CAST: variants seen among roughly 807,000 people sequenced by gnomAD.
CAST encodes calpastatin, also known as MIR583 host.
A neutral mutation model predicts 119.6 loss-of-function variants in CAST; 76 were observed. The ratio of observed to expected loss-of-function variants is 0.64; its 90% CI spans 0.53 to 0.77. The LOEUF (loss-of-function observed/expected upper bound fraction) is 0.77, where lower values mean the gene tolerates loss of function less well. CAST is among the 30% of genes least tolerant of loss of function. The probability of loss-of-function intolerance (pLI) is 0.00; values close to 1 mark genes in which losing one functional copy is unlikely to be tolerated. For synonymous variants in CAST, 319 were observed against 331.6 expected (o/e 0.96, Z 0.41); for missense variants, 953 against 946.5 (o/e 1.01, Z -0.09).
rs1033936161 is a variant in CAST, at chr5:96,773,877, G to C, written c.*1261G>C. Reference sequence around the variant, plus strand: ...TCCTTAGCATCAGTTTGAAGCTTTTGTTATGACTTAGCTGACTTGTGGCAG... The same window carrying C: ...TCCTTAGCATCAGTTTGAAGCTTTTCTTATGACTTAGCTGACTTGTGGCAG... On this transcript the variant is annotated 3_prime_UTR_variant, in exon 32 of 32. Transcript: ENST00000675179. 1 of 152,232 alleles carries C rather than the reference G, an allele frequency of 6.6e-6. No individual in the cohort carries two copies. Among genetic ancestry groups the C allele is most frequent in the Admixed American group, 6.6e-5 (1 of 15,266 alleles). 9.4% of individuals were successfully genotyped at this position (152,232 alleles called of 1,614,324 possible). A position where few individuals can be genotyped will look rare whatever the true frequency, so the allele number is the denominator to read the frequency against.
At chr5:96,005,484 T>C in the CAST span, among the ~76,000 whole-genome samples, 1 of 152,172 alleles carries the variant, frequency 6.6e-6, no homozygotes, top group East Asian at 1.9e-4. Flanking sequence ...ATTCAGGATA[T>C]ATATACATTA....
the CAST span, among the ~76,000 whole-genome samples, chr5:96,361,169 A>C: frequency 6.6e-6 from 1 of 152,120 alleles, no homozygotes; most frequent in Non-Finnish European, 1.5e-5. Context: ...GTAATGGTGG[A>C]TGCCCCTCTT....
chr5:96,622,121 C>A (rs557737541), intron 1 of CAST, among the ~76,000 whole-genome samples: 3 of 151,788 alleles, frequency 2.0e-5, no homozygotes, highest in Non-Finnish European at 4.4e-5. Flanking sequence ...AGGCACCCAC[C>A]ACCACACCTG....
the CAST span, among the ~76,000 whole-genome samples, chr5:96,309,833 T>C: frequency 4.6e-5 from 7 of 152,244 alleles, no homozygotes. Flanking sequence ...CAGTTTGAAA[T>C]GCAGAAATCA....
intron 24 of CAST, among the ~76,000 whole-genome samples, chr5:96,758,087 C>T (rs900526227): frequency 1.3e-5 from 2 of 152,134 alleles, no homozygotes; most frequent in Non-Finnish European, 2.9e-5. Flanking sequence ...TGGCCCTCAA[C>T]CCACTGTAGC....
intron 1 of CAST, among the ~76,000 whole-genome samples, chr5:96,664,400 AATAT>A (rs10587366): frequency 0.043 from 6,497 of 150,232 alleles, 180 homozygotes; most frequent in Middle Eastern, 0.094. Flanking sequence ...TATATGTGTA[AATAT>A]ATATATATAT....
At chr5:96,665,211 C>A (rs1749162632) in intron 1 of CAST, among the ~76,000 whole-genome samples, 2 of 152,104 alleles carry the variant, frequency 1.3e-5, no homozygotes. Context: ...ATAATGTGAG[C>A]CACGTCTGCA....
chr5:96,203,846 G>T, the CAST span, among the ~76,000 whole-genome samples: 1 of 151,994 alleles, frequency 6.6e-6, no homozygotes, highest in Non-Finnish European at 1.5e-5. Context: ...CCCCAAAGAT[G>T]TGCAATATGG....
chr5:96,237,151 A>G, the CAST span, among the ~76,000 whole-genome samples: 2 of 152,148 alleles, frequency 1.3e-5, no homozygotes, highest in African/African-American at 2.4e-5. Flanking sequence ...AGAAACCAAA[A>G]TGGATTCAGG....
chr5:96,389,280 T>C, the CAST span, among the ~76,000 whole-genome samples: 92 of 152,230 alleles, frequency 6.0e-4, no homozygotes, highest in Non-Finnish European at 4.1e-4. Context: ...AGAAAAAAGG[T>C]AACTGAGAGA....
chr5:96,075,631 G>T, the CAST span, among the ~76,000 whole-genome samples: 1 of 152,126 alleles, frequency 6.6e-6, no homozygotes, highest in Admixed American at 6.6e-5. Flanking sequence ...ATATGGAAAA[G>T]AAGAAATAGA....
intron 2 of CAST, among the ~76,000 whole-genome samples, chr5:96,676,617 C>A (rs554493361): frequency 6.6e-6 from 1 of 151,658 alleles, no homozygotes; most frequent in Non-Finnish European, 1.5e-5. Context: ...TTTTTTATAG[C>A]CATGAAAGGC....
chr5:96,083,796 A>G, the CAST span, among the ~76,000 whole-genome samples: 1 of 152,172 alleles, frequency 6.6e-6, no homozygotes, highest in African/African-American at 2.4e-5. Flanking sequence ...GCAGATGAAA[A>G]TACGATTAGC....
At chr5:96,538,708 A>G (rs1046550091) in intron 1 of CAST, among the ~76,000 whole-genome samples, 2 of 151,584 alleles carry the variant, frequency 1.3e-5, no homozygotes, top group African/African-American at 2.4e-5. Context: ...ACATTGAAAC[A>G]CTGTCTCTTC....
At chr5:96,450,955 A>T in the CAST span, among the ~76,000 whole-genome samples, 2 of 152,196 alleles carry the variant, frequency 1.3e-5, no homozygotes, top group Non-Finnish European at 2.9e-5. Context: ...ACTAAACTGA[A>T]TAAGAGTTCA....
At chr5:96,629,956 G>A (rs1295203982) in intron 1 of CAST, among the ~76,000 whole-genome samples, 1 of 152,206 alleles carries the variant, frequency 6.6e-6, no homozygotes, top group Non-Finnish European at 1.5e-5. Flanking sequence ...GCAGTACGGT[G>A]GACTAGACTC....
chr5:96,207,856 G>T, the CAST span, among the ~76,000 whole-genome samples: 1 of 152,058 alleles, frequency 6.6e-6, no homozygotes, highest in Non-Finnish European at 1.5e-5. Flanking sequence ...TTTTGGAAAA[G>T]TTTAAGTAGA....
intron 1 of CAST, among the ~76,000 whole-genome samples, chr5:96,543,213 T>A (rs1745949130): frequency 6.6e-6 from 1 of 152,156 alleles, no homozygotes; most frequent in African/African-American, 2.4e-5. Context: ...ATAAAAAGAA[T>A]GAGTTCGTGT....
Position 96,772,938 on chromosome 5 carries a change from A to G in CAST, c.*322A>G, listed in dbSNP as rs565308022. ...CTTAAAGCAACACCAAAAAAACAAA[A>G]GAAAAGCTAAGTGAATTTTTGCACA... On this transcript the variant is annotated 3_prime_UTR_variant, in exon 32 of 32. Coordinates refer to ENST00000675179, the MANE Select transcript of CAST (RefSeq NM_001750.7). 2.6e-5 allele frequency: 4 copies of G among 153,914 alleles called. No individual in the cohort carries two copies. In the South Asian group the frequency reaches 8.3e-4, roughly 32 times the overall value. 9.5% of individuals were successfully genotyped at this position (153,914 alleles called of 1,614,324 possible).
Sources: gnomAD v4.1 joint callset for allele counts (sites outside exome capture counted in the v4.1 genomes callset) on GRCh38, gnomAD v4.1.1 for gene constraint, MANE v1.5 for transcripts, NCBI Gene and HGNC (gene_info 2026-07-23, HGNC 2026-07-21) for gene names.